The following TMTC1 variants were observed in gnomAD, a reference collection of about 807,000 sequenced individuals.
The protein encoded by TMTC1 is protein O-mannosyl-transferase TMTC1.
In TMTC1, 73 loss-of-function variants were observed where a neutral mutation model predicts 104.8. That is an observed-to-expected ratio of 0.70 (90% CI 0.58 to 0.85). TMTC1 has a LOEUF of 0.85. Among genes scored for constraint, TMTC1 ranks in the 40% least tolerant of loss-of-function variants. TMTC1 has a pLI of 0.00. For missense variants in TMTC1, 1,035 were observed against 1,096.1 expected (o/e 0.94, Z 0.79); for synonymous variants, 434 against 428.7 (o/e 1.01, Z -0.15).
At chr12:29,665,526 A>T (rs984026696) in intron 5 of TMTC1, among the ~76,000 whole-genome samples, 4 of 152,236 alleles carry the variant, frequency 2.6e-5, no homozygotes, top group African/African-American at 9.6e-5. Context: ...CAGAACAACC[A>T]GCCAACCATA....
chr12:29,695,668 G>A (rs537473573), intron 5 of TMTC1, among the ~76,000 whole-genome samples: 26 of 151,624 alleles, frequency 1.7e-4, no homozygotes, highest in Middle Eastern at 6.8e-3. Flanking sequence ...AATACATTAC[G>A]ATATAACCCA....
At chr12:29,619,798 T>C (rs192088181) in intron 6 of TMTC1, among the ~76,000 whole-genome samples, 6 of 152,320 alleles carry the variant, frequency 3.9e-5, no homozygotes. Context: ...TTTTATGTTA[T>C]ATTCTGCCCT....
rs1236801649 is a variant in TMTC1 at position 29,779,137 on chromosome 12, A to G, written c.302+4313T>C. 2.6e-5 allele frequency among the ~76,000 whole-genome samples: 4 copies of G among 152,330 alleles called. No homozygotes were observed. The East Asian group carries it at 7.7e-4, about 29-fold the overall frequency. On this transcript the variant is annotated intron_variant, in intron 1 of 17. Coordinates refer to ENST00000539277, the MANE Select transcript of TMTC1 (RefSeq NM_001193451.2). ...GACGAGATCTGGAGAGCACTGGAGGAGCTGAGGGCCTGGGTGCTGCTGCAA... is the reference window on the plus strand; with the variant it reads ...GACGAGATCTGGAGAGCACTGGAGGGGCTGAGGGCCTGGGTGCTGCTGCAA...
intron 1 of TMTC1, chr12:29,782,877 C>G (rs1486523827): frequency 1.3e-5 from 2 of 152,332 alleles, no homozygotes; most frequent in Admixed American, 1.3e-4. Context: ...CTGGGAGCAG[C>G]CAAGGGTGCA....
intron 1 of TMTC1, among the ~76,000 whole-genome samples, chr12:29,780,548 T>G (rs1943810757): frequency 6.6e-6 from 1 of 152,160 alleles, no homozygotes; most frequent in Non-Finnish European, 1.5e-5. Flanking sequence ...AATAAAGAAG[T>G]ACTGAGGATC....
At chr12:29,575,174 T>A (rs1377905626) in intron 8 of TMTC1, among the ~76,000 whole-genome samples, 2 of 152,106 alleles carry the variant, frequency 1.3e-5, no homozygotes, top group African/African-American at 4.8e-5. Context: ...TTCCCTCACC[T>A]GAAGGAAGGT....
At chr12:29,580,858 G>C (rs1945960309) in intron 8 of TMTC1, among the ~76,000 whole-genome samples, 1 of 152,034 alleles carries the variant, frequency 6.6e-6, no homozygotes, top group South Asian at 2.1e-4. Flanking sequence ...ATATGTTCAT[G>C]TGTCTGCTTC....
intron 5 of TMTC1, among the ~76,000 whole-genome samples, chr12:29,681,863 A>T (rs1940930364): frequency 6.6e-6 from 1 of 152,230 alleles, no homozygotes; most frequent in Non-Finnish European, 1.5e-5. Context: ...TGCCCATTTA[A>T]TGATATTAGG....
chr12:29,510,455 T>C (rs1592145317), intron 17 of TMTC1, among the ~76,000 whole-genome samples: 1 of 152,338 alleles, frequency 6.6e-6, no homozygotes, highest in East Asian at 1.9e-4. Flanking sequence ...TCTTTTAAAG[T>C]AAGTTCATTC....
chr12:29,609,103 A>C (rs2136420821), intron 6 of TMTC1, among the ~76,000 whole-genome samples: 1 of 152,256 alleles, frequency 6.6e-6, no homozygotes, highest in Admixed American at 6.5e-5. Context: ...TATAGTAATT[A>C]TTGTCATCAT....
intron 5 of TMTC1, among the ~76,000 whole-genome samples, chr12:29,653,908 C>T (rs147097382): frequency 2.6e-4 from 39 of 152,252 alleles, no homozygotes; most frequent in African/African-American, 8.9e-4. Context: ...TGTATCAAAG[C>T]ACAATGTTTT....
intron 5 of TMTC1, among the ~76,000 whole-genome samples, chr12:29,639,995 G>C (rs1938755095): frequency 6.6e-6 from 1 of 152,218 alleles, no homozygotes; most frequent in South Asian, 2.1e-4. Context: ...TCATGTAAAA[G>C]CCAGCAAAGT....
chr12:29,755,602 A>G (rs368985170), intron 4 of TMTC1, 107 bp downstream of exon 4: 1 of 931,794 alleles, frequency 1.1e-6, no homozygotes, highest in Non-Finnish European at 1.6e-6. Context: ...AGGTGAGATG[A>G]CATTTAATAA....
rs142394560 is a variant in TMTC1, at chr12:29,633,193, G to A, written c.1082C>T (p.Ala361Val). The change falls in exon 6 of 18, where the codon GCG becomes GTG. Residue 361 changes from alanine (A) to valine (V), a missense_variant. Coordinates refer to ENST00000539277, the MANE Select transcript of TMTC1 (RefSeq NM_001193451.2). ...DMRNLATIFL[A>V]VVMALLSLHC... ...CAGGCTCAATAAGGCCATCACAACC[G>A]CCAGAAAGATGGTGGCTAAGTTCCG... 7,734 of 1,613,790 alleles carry A rather than the reference G, an allele frequency of 4.8e-3. 55 individuals carry two copies. Among genetic ancestry groups the A allele is most frequent in the Non-Finnish European group, 4.3e-3 (5,091 of 1,179,892 alleles).
intron 5 of TMTC1, among the ~76,000 whole-genome samples, chr12:29,654,030 A>G (rs1422598162): frequency 6.6e-6 from 1 of 152,242 alleles, no homozygotes; most frequent in Non-Finnish European, 1.5e-5. Flanking sequence ...AAAGAATTTG[A>G]GTTAGGCAAA....
intron 6 of TMTC1, 44 bp downstream of exon 6, chr12:29,633,103 T>C (rs757946872): frequency 6.5e-7 from 1 of 1,549,108 alleles, no homozygotes; most frequent in South Asian, 1.2e-5. Context: ...GCATAGAATA[T>C]CTGTCTTCAA....
chr12:29,752,128 A>AC (rs1943106434), intron 4 of TMTC1, among the ~76,000 whole-genome samples: 1 of 150,196 alleles, frequency 6.7e-6, no homozygotes, highest in Non-Finnish European at 1.5e-5. Flanking sequence ...GATGGCCACC[A>AC]ACACACACAC....
chr12:29,609,674 A>C (rs539839612), intron 6 of TMTC1, among the ~76,000 whole-genome samples: 2 of 152,380 alleles, frequency 1.3e-5, no homozygotes, highest in Admixed American at 6.5e-5. Context: ...GTTCTAACTC[A>C]GAAGCCAAGA....
chr12:29,726,943 G>A (rs979023533), intron 5 of TMTC1, among the ~76,000 whole-genome samples: 3 of 152,340 alleles, frequency 2.0e-5, no homozygotes, highest in African/African-American at 7.2e-5. Flanking sequence ...AGGAAAACAG[G>A]ACAGCTAACA....
Sources: allele counts gnomAD v4.1 joint callset (sites outside exome capture counted in the v4.1 genomes callset), GRCh38; gene constraint gnomAD v4.1.1; transcripts MANE v1.5; gene names NCBI Gene and HGNC (gene_info 2026-07-23, HGNC 2026-07-21).